Variants in SRSF11 observed in about 807,000 individuals in gnomAD.
SRSF11 encodes the protein serine and arginine rich splicing factor 11.
In SRSF11, 9 loss-of-function variants were observed where a neutral mutation model predicts 56.0. That is an observed-to-expected ratio of 0.16 (90% CI 0.10 to 0.28). The LOEUF (loss-of-function observed/expected upper bound fraction) is 0.28. SRSF11 is among the 10% of genes least tolerant of loss of function. The pLI, the probability that SRSF11 is intolerant of heterozygous loss-of-function variation, is 1.00. For missense variants in SRSF11, 421 were observed against 600.7 expected (o/e 0.70, Z 3.13); for synonymous variants, 222 against 215.3 (o/e 1.03, Z -0.27).
At position 70,225,277 on chromosome 1, in the gene SRSF11, A is replaced by G. The variant is rs372668040; in HGVS notation, c.204-3145A>G. Among the ~76,000 whole-genome samples, 72 of 152,348 alleles carry G rather than the reference A, an allele frequency of 4.7e-4. 1 individual carries two copies. In the South Asian group the frequency reaches 0.014, roughly 30 times the overall value. Reference sequence around the variant, plus strand: ...ACCCAAAATGGATACTTTAATGGTTATATAAGTATAAATTAGTATATTAGG... The same window carrying G: ...ACCCAAAATGGATACTTTAATGGTTGTATAAGTATAAATTAGTATATTAGG... On this transcript the variant is annotated intron_variant, in intron 1 of 11. Coordinates refer to ENST00000370949, the MANE Select transcript of SRSF11 (RefSeq NM_001350605.2).
chr1:70,243,091 G>A (rs1401430575), intron 7 of SRSF11, among the ~76,000 whole-genome samples: 2 of 151,958 alleles, frequency 1.3e-5, no homozygotes, highest in Admixed American at 6.5e-5. Context: ...TGGGTTTTGA[G>A]GCAGTTGTTT....
intron 2 of SRSF11, 161 bp from the exon 3 acceptor site, chr1:70,232,107 A>ATT: frequency 6.5e-7 from 1 of 1,548,064 alleles, no homozygotes; most frequent in Non-Finnish European, 8.7e-7. Context: ...CTGACATAAA[A>ATT]TTAATGATAA....
At chr1:70,209,055 C>T (rs1669309821) in intron 1 of SRSF11, among the ~76,000 whole-genome samples, 2 of 152,160 alleles carry the variant, frequency 1.3e-5, no homozygotes, top group South Asian at 2.1e-4. Context: ...TGAAAGGCTT[C>T]CCTCTTCAAG....
At chr1:70,206,562 G>A (rs1278809044) in intron 1 of SRSF11, among the ~76,000 whole-genome samples, 1 of 151,924 alleles carries the variant, frequency 6.6e-6, no homozygotes, top group Non-Finnish European at 1.5e-5. Context: ...GATTAATCCT[G>A]CCTAGTATGT....
chr1:70,223,324 G>A (rs963502045), intron 1 of SRSF11, among the ~76,000 whole-genome samples: 2 of 152,172 alleles, frequency 1.3e-5, no homozygotes, highest in Non-Finnish European at 2.9e-5. Context: ...ATTCTCTGAA[G>A]GCAGTTTTAT....
chr1:70,214,425 A>G (rs1015955127), intron 1 of SRSF11, among the ~76,000 whole-genome samples: 23 of 152,224 alleles, frequency 1.5e-4, no homozygotes, highest in Non-Finnish European at 2.4e-4. Flanking sequence ...TACTGTGTAT[A>G]CGATGCAAGC....
At chr1:70,228,711 T>C in intron 2 of SRSF11, 156 bp downstream of exon 2, 1 of 1,319,196 alleles carries the variant, frequency 7.6e-7, no homozygotes, top group Non-Finnish European at 9.7e-7. Flanking sequence ...GCAGATTTTT[T>C]TTAATTCTAA....
At chr1:70,214,477 T>C (rs985994265) in intron 1 of SRSF11, among the ~76,000 whole-genome samples, 7 of 152,188 alleles carry the variant, frequency 4.6e-5, no homozygotes, top group Non-Finnish European at 7.3e-5. Flanking sequence ...TTTCCTCTAT[T>C]TAATCATAAA....
chr1:70,228,569 T>C lies in SRSF11; in HGVS notation c.337+14T>C. On this transcript the variant is annotated intron_variant, in intron 2 of 11. Transcript: ENST00000370949. ...CATATGCAGAAGGTTTGTGCTTTGTTTAACTACCTATGTGGGCATCCTAAG... is the reference window on the plus strand; with the variant it reads ...CATATGCAGAAGGTTTGTGCTTTGTCTAACTACCTATGTGGGCATCCTAAG... The C allele has an allele frequency of 1.2e-6, 2 of 1,610,508 alleles. No individual in the cohort carries two copies. The highest frequency in any genetic ancestry group is 1.7e-6 in the Non-Finnish European group (2 of 1,178,202).
chr1:70,251,378 G>C lies in SRSF11; in HGVS notation c.*573G>C, dbSNP rs201923502. 6.5e-6 allele frequency: 1 copy of C among 152,792 alleles called. No homozygotes were observed. 9.5% of individuals were successfully genotyped at this position (152,792 alleles called of 1,614,324 possible). A position where few individuals can be genotyped will look rare whatever the true frequency, so the allele number is the denominator to read the frequency against. On this transcript the variant is annotated 3_prime_UTR_variant, in exon 12 of 12. Coordinates refer to ENST00000370949, the MANE Select transcript of SRSF11 (RefSeq NM_001350605.2). ...TTGTGGCAAAATTTTTGTGGCTTTT[G>C]TTTAACTTTGAAAGGTTATTATGCA... is the stretch of plus-strand genomic sequence containing the variant.
At chr1:70,239,384 G>T in intron 6 of SRSF11, 55 bp from the exon 7 acceptor site, 1 of 1,284,586 alleles carries the variant, frequency 7.8e-7, no homozygotes. Context: ...GAGCCACTGC[G>T]TCTGGCCCCT....
chr1:70,228,626 G>C, intron 2 of SRSF11, 71 bp downstream of exon 2: 1 of 1,470,220 alleles, frequency 6.8e-7, no homozygotes, highest in Non-Finnish European at 9.0e-7. Context: ...TGTAGAGTGA[G>C]CATTAGTAGC....
At chr1:70,241,463 T>C (rs926615998) in intron 7 of SRSF11, among the ~76,000 whole-genome samples, 2 of 152,162 alleles carry the variant, frequency 1.3e-5, no homozygotes, top group African/African-American at 4.8e-5. Flanking sequence ...ATTCTTAGAG[T>C]TGTCTTTCAG....
chr1:70,228,650 G>T (rs1672318963), intron 2 of SRSF11, 95 bp downstream of exon 2: 2 of 1,404,836 alleles, frequency 1.4e-6, no homozygotes, highest in African/African-American at 1.5e-5. Flanking sequence ...TTAAATCTAA[G>T]CTATTAACAT....
At chr1:70,226,669 A>G (rs1249661136) in intron 1 of SRSF11, among the ~76,000 whole-genome samples, 1 of 152,214 alleles carries the variant, frequency 6.6e-6, no homozygotes, top group African/African-American at 2.4e-5. Context: ...ATAGCATTAA[A>G]AGAGCTTTGT....
At chr1:70,227,387 G>A (rs897047625) in intron 1 of SRSF11, among the ~76,000 whole-genome samples, 2 of 151,860 alleles carry the variant, frequency 1.3e-5, no homozygotes, top group African/African-American at 4.8e-5. Flanking sequence ...TTGTACCCTG[G>A]GTGCATAAAA....
In SRSF11 at chr1:70,234,763, T is replaced by G. The variant is rs1673582664; in HGVS notation, c.515T>G (p.Leu172Arg). The change falls in exon 4 of 12, where the codon CTT (leucine) becomes CGT (arginine). Residue 172 changes from leucine (L) to arginine (R), a missense_variant. By Grantham distance (102) the Leu-to-Arg change is moderately radical. This residue lies in a region of SRSF11 where 168 missense variants were observed against 294.9 expected (regional missense o/e 0.57). Transcript: ENST00000370949. Reference sequence around the variant, plus strand: ...GATCCTGCCCTTGCTGCACTTGGGCTTCCTGGAGCAAACTTGAACTCTCAG... The same window carrying G: ...GATCCTGCCCTTGCTGCACTTGGGCGTCCTGGAGCAAACTTGAACTCTCAG... ...TLDPALAALG[L>R]PGANLNSQSL... 1.9e-6 allele frequency: 3 copies of G among 1,610,200 alleles called. No individual in the cohort carries two copies. Among genetic ancestry groups the G allele is most frequent in the Non-Finnish European group, 2.5e-6 (3 of 1,177,984 alleles).
At chr1:70,245,060 CCTG>C (rs1299466888) in intron 8 of SRSF11, among the ~76,000 whole-genome samples, 5 of 152,116 alleles carry the variant, frequency 3.3e-5, no homozygotes, top group African/African-American at 1.2e-4. Flanking sequence ...TGTTAGCTGT[CCTG>C]CTACCTTCTT....
At chr1:70,233,447 C>A (rs923125604) in intron 3 of SRSF11, among the ~76,000 whole-genome samples, 1 of 152,074 alleles carries the variant, frequency 6.6e-6, no homozygotes, top group African/African-American at 2.4e-5. Flanking sequence ...ACCATGTTGG[C>A]CAGGCTGGTC....
Sources: allele counts gnomAD v4.1 joint callset (sites outside exome capture counted in the v4.1 genomes callset), GRCh38; gene constraint gnomAD v4.1.1; regional missense constraint gnomAD v4.1.1; transcripts MANE v1.5; gene names NCBI Gene and HGNC (gene_info 2026-07-23, HGNC 2026-07-21).